The following RIC1 variants were observed in gnomAD, a reference collection of about 807,000 sequenced individuals.
RIC1 encodes guanine nucleotide exchange factor subunit RIC1.
In RIC1, 88 loss-of-function variants were observed where a neutral mutation model predicts 169.0. The ratio of observed to expected loss-of-function variants is 0.52; its 90% CI spans 0.44 to 0.62. RIC1 has a LOEUF of 0.62. RIC1 is among the 20% of genes least tolerant of loss of function. The pLI is 0.00. For synonymous variants in RIC1, 790 were observed against 601.5 expected (o/e 1.31, Z -4.59); for missense variants, 1,877 against 1,725.5 (o/e 1.09, Z -1.56).
chr9:5,660,038 G>A (rs181381247), intron 2 of RIC1, among the ~76,000 whole-genome samples: 2 of 152,168 alleles, frequency 1.3e-5, no homozygotes, highest in African/African-American at 2.4e-5. Context: ...CCCAGTGTAT[G>A]TTGTTTCCCC....
At chr9:5,702,365 C>A (rs1822272985) in intron 3 of RIC1, among the ~76,000 whole-genome samples, 1 of 152,146 alleles carries the variant, frequency 6.6e-6, no homozygotes, top group African/African-American at 2.4e-5. Flanking sequence ...GTTCACAGTT[C>A]CGCAGGCTAT....
chr9:5,725,701 T>C (rs1372660657), intron 6 of RIC1, among the ~76,000 whole-genome samples: 1 of 152,180 alleles, frequency 6.6e-6, no homozygotes, highest in Non-Finnish European at 1.5e-5. Context: ...CATTTAATCC[T>C]ATAAATTTCC....
At position 5,774,086 on chromosome 9, in the gene RIC1, G is replaced by T. The variant is rs1827431917; in HGVS notation, c.4112G>T (p.Ser1371Ile). 6.2e-7 allele frequency: 1 copy of T among 1,614,036 alleles called. No homozygotes were observed. The highest frequency in any genetic ancestry group is 8.5e-7 in the Non-Finnish European group (1 of 1,179,994). Reference protein sequence around the residue: ...ITMGKTPEQTSPRAEESRGSS... With the variant: ...ITMGKTPEQTIPRAEESRGSS... Reference sequence around the variant, plus strand: ...ATGGGTAAGACTCCAGAACAGACTAGCCCCCGGGCAGAGGAGAGCAGGGGC... The same window carrying T: ...ATGGGTAAGACTCCAGAACAGACTATCCCCCGGGCAGAGGAGAGCAGGGGC... The change falls in exon 26 of 26, where the codon AGC becomes ATC. Residue 1371 changes from serine to isoleucine, a missense_variant. This residue lies in a region of RIC1 where 681 missense variants were observed against 582.0 expected (regional missense o/e 1.17). Coordinates refer to ENST00000414202, the MANE Select transcript of RIC1 (RefSeq NM_020829.4).
rs1293770760 is a variant in RIC1 at position 5,751,598 on chromosome 9, G to GATCCA, written c.1453-1602_1453-1601insATCCA. Among the ~76,000 whole-genome samples the GATCCA allele has an allele frequency of 4.8e-3, 731 of 150,956 alleles. 15 individuals carry two copies. Among genetic ancestry groups the GATCCA allele is most frequent in the African/African-American group, 0.017 (697 of 40,330 alleles). ...TCAAACTCCTGACCTCAGGCAATCT[G>GATCCA]CCTGCCTCAGCCTCCCAAAGTGCTG... On this transcript the variant is annotated intron_variant, in intron 12 of 25. Transcript: ENST00000414202.
chr9:5,720,427 G>T, intron 5 of RIC1, 103 bp downstream of exon 5: 1 of 1,263,172 alleles, frequency 7.9e-7, no homozygotes, highest in South Asian at 1.5e-5. Flanking sequence ...CTTATGCAAG[G>T]GGAGAGGTGG....
chr9:5,728,165 G>T (rs1302202195), intron 6 of RIC1, among the ~76,000 whole-genome samples: 1 of 152,226 alleles, frequency 6.6e-6, no homozygotes, highest in Non-Finnish European at 1.5e-5. Context: ...AGGCAGGCAG[G>T]CCTCCTTGAG....
intron 1 of RIC1, among the ~76,000 whole-genome samples, chr9:5,640,883 C>G (rs1818204238): frequency 6.6e-6 from 1 of 151,600 alleles, no homozygotes. Context: ...AAGGTAAATG[C>G]TTTTGTTTGT....
chr9:5,668,785 T>G (rs1274428275), intron 2 of RIC1, among the ~76,000 whole-genome samples: 1 of 152,194 alleles, frequency 6.6e-6, no homozygotes, highest in Non-Finnish European at 1.5e-5. Context: ...GACATTGTTT[T>G]CTTGATTTTC....
rs1396529025 is a variant in RIC1 at position 5,738,656 on chromosome 9, G to A, written c.901+118G>A. On this transcript the variant is annotated intron_variant, in intron 8 of 25. Transcript: ENST00000414202. ...GTCATGCTATAGGTCAAATATTGGGGCTCTGGGTGTGTAAACTGGCTCAAG... is the reference window on the plus strand; with the variant it reads ...GTCATGCTATAGGTCAAATATTGGGACTCTGGGTGTGTAAACTGGCTCAAG... 9.4e-6 allele frequency: 5 copies of A among 530,974 alleles called. No individual in the cohort carries two copies. The Admixed American group carries it at 1.2e-4, about 13-fold the overall frequency. 32.9% of individuals were successfully genotyped at this position (530,974 alleles called of 1,614,324 possible).
intron 4 of RIC1, among the ~76,000 whole-genome samples, chr9:5,714,586 T>A (rs967219523): frequency 7.2e-5 from 11 of 152,222 alleles, no homozygotes; most frequent in African/African-American, 2.7e-4. Context: ...TTTTCCATTG[T>A]GTAGATATAA....
chr9:5,684,616 A>C (rs1386964407), intron 2 of RIC1, among the ~76,000 whole-genome samples: 1 of 151,968 alleles, frequency 6.6e-6, no homozygotes, highest in Non-Finnish European at 1.5e-5. Flanking sequence ...TACTAAACTC[A>C]CTTATTATAG....
intron 2 of RIC1, among the ~76,000 whole-genome samples, chr9:5,678,665 T>C (rs1820607692): frequency 6.6e-6 from 1 of 152,160 alleles, no homozygotes; most frequent in Non-Finnish European, 1.5e-5. Flanking sequence ...AGTGTCTGTT[T>C]GTATCTTTCG....
At chr9:5,720,772 G>A (rs759738606) in intron 6 of RIC1, 22 bp downstream of exon 6, 108 of 1,559,738 alleles carry the variant, frequency 6.9e-5, no homozygotes, top group Non-Finnish European at 9.1e-5. Context: ...TTACTTTGAA[G>A]GGTTTTTTGT....
intron 23 of RIC1, among the ~76,000 whole-genome samples, chr9:5,770,490 C>T (rs1028220488): frequency 6.6e-6 from 1 of 152,066 alleles, no homozygotes; most frequent in Non-Finnish European, 1.5e-5. Flanking sequence ...ATAAATAGTA[C>T]AGATCAACAT....
intron 1 of RIC1, among the ~76,000 whole-genome samples, chr9:5,656,020 C>T (rs1401235654): frequency 6.6e-6 from 1 of 152,044 alleles, no homozygotes; most frequent in African/African-American, 2.4e-5. Context: ...CAGGCGCCTG[C>T]CACCACGCCC....
Position 5,678,193 on chromosome 9 carries a change from C to T in RIC1, c.253-11766C>T, listed in dbSNP as rs370157472. Among the ~76,000 whole-genome samples the T allele has an allele frequency of 1.1e-4, 16 of 152,292 alleles. No homozygotes were observed. The South Asian group carries it at 3.3e-3, about 32-fold the overall frequency. On this transcript the variant is annotated intron_variant, in intron 2 of 25. Coordinates refer to ENST00000414202, the MANE Select transcript of RIC1 (RefSeq NM_020829.4). ...GACATGAACTCATCCTTTTTTATGGCTGCATAGTATTCCATGGTATATATG... is the reference window on the plus strand; with the variant it reads ...GACATGAACTCATCCTTTTTTATGGTTGCATAGTATTCCATGGTATATATG...
chr9:5,777,972 G>C (rs1171291594), downstream of RIC1, among the ~76,000 whole-genome samples: 3 of 152,124 alleles, frequency 2.0e-5, no homozygotes, highest in Admixed American at 1.3e-4. Context: ...TGCAGGATCA[G>C]CTTGTCAATT....
At chr9:5,705,251 C>A (rs1586983408) in intron 3 of RIC1, among the ~76,000 whole-genome samples, 3 of 125,730 alleles carry the variant, frequency 2.4e-5, no homozygotes, top group African/African-American at 3.0e-5. Flanking sequence ...TGCATTTAAT[C>A]TATAGCTGTT....
At position 5,732,416 on chromosome 9, in the gene RIC1, T is replaced by A. The variant is rs762311454; in HGVS notation, c.749T>A (p.Val250Asp). 9.3e-6 allele frequency: 15 copies of A among 1,611,456 alleles called. No homozygotes were observed. In the East Asian group the frequency reaches 1.8e-4, roughly 19 times the overall value. The change falls in exon 7 of 26, where the codon GTT becomes GAT. Residue 250 changes from valine to aspartate, a missense_variant. Val to Asp is a radical substitution (Grantham distance 152, BLOSUM62 -3). Coordinates refer to ENST00000414202, the MANE Select transcript of RIC1 (RefSeq NM_020829.4). The stretch of plus-strand genomic sequence containing the variant: ...CTTCATGGAGTTTGGCCACAAGATG[T>A]TGTTGACGGAACGTGTGTAGCAGTA... Reference protein sequence around the residue: ...EQLHGVWPQDVVDGTCVAVNN... With the variant: ...EQLHGVWPQDDVDGTCVAVNN...
Sources: gnomAD v4.1 joint callset for allele counts (sites outside exome capture counted in the v4.1 genomes callset) on GRCh38, gnomAD v4.1.1 for gene constraint, gnomAD v4.1.1 regional missense constraint, MANE v1.5 for transcripts, NCBI Gene and HGNC (gene_info 2026-07-23, HGNC 2026-07-21) for gene names.